The following PLA2G12A variants were observed in gnomAD, a reference collection of about 807,000 sequenced individuals.
The protein encoded by PLA2G12A is group XIIA secretory phospholipase A2.
Under a neutral mutation model 16.0 loss-of-function variants are expected in PLA2G12A, and 11 were observed. That is an observed-to-expected ratio of 0.69 (90% confidence interval 0.43 to 1.13). The LOEUF (loss-of-function observed/expected upper bound fraction) is 1.13. Ranked by LOEUF, PLA2G12A falls within the 50% of genes most tolerant of loss-of-function variation. The pLI is 0.00. For synonymous variants in PLA2G12A, 77 were observed against 93.8 expected (o/e 0.82, Z 1.03); for missense variants, 214 against 237.3 (o/e 0.90, Z 0.65).
chr4:109,728,762 G>A (rs928404924), intron 1 of PLA2G12A, among the ~76,000 whole-genome samples: 2 of 152,174 alleles, frequency 1.3e-5, no homozygotes, highest in Non-Finnish European at 2.9e-5. Context: ...AGCATAATGA[G>A]ACTCTAACCT....
chr4:109,722,203 A>G (rs376375259), intron 1 of PLA2G12A, among the ~76,000 whole-genome samples: 11 of 152,088 alleles, frequency 7.2e-5, no homozygotes, highest in African/African-American at 2.7e-4. Flanking sequence ...TCCTCTTCCT[A>G]GTCTCTCTTC....
At chr4:109,727,227 C>T (rs1229176585) in intron 1 of PLA2G12A, among the ~76,000 whole-genome samples, 1 of 152,064 alleles carries the variant, frequency 6.6e-6, no homozygotes, top group Non-Finnish European at 1.5e-5. Context: ...TCTCCTACCT[C>T]AGCCTCCCAA....
Position 109,730,022 on chromosome 4 carries a change from A to C in PLA2G12A, c.-213T>G. 8.1e-6 allele frequency: 4 copies of C among 494,970 alleles called. No individual in the cohort carries two copies. The South Asian group carries it at 8.6e-5, about 11-fold the overall frequency. The allele number at this position is 494,970 out of a possible 1,614,324, so 30.7% of individuals were successfully genotyped here. ...CGCCGTCGCGGGGACGCGCCCGCTC[A>C]CCTGGACCAGCGCGCCCGCTCACCT... is the stretch of plus-strand genomic sequence containing the variant. On this transcript the variant is annotated 5_prime_UTR_variant, in exon 1 of 4. Coordinates refer to ENST00000243501, the MANE Select transcript of PLA2G12A (RefSeq NM_030821.5).
At chr4:109,721,960 T>C (rs775816755) in intron 1 of PLA2G12A, among the ~76,000 whole-genome samples, 2 of 152,174 alleles carry the variant, frequency 1.3e-5, no homozygotes, top group East Asian at 1.9e-4. Context: ...CAATGGATTA[T>C]TGCTATAAAC....
At chr4:109,718,540 C>CA (rs1356704580) in intron 2 of PLA2G12A, 143 bp downstream of exon 2, 1 of 606,432 alleles carries the variant, frequency 1.6e-6, no homozygotes, top group Non-Finnish European at 2.8e-6. Context: ...TTAGTTTTGC[C>CA]AAAAAGAATC....
At position 109,712,553 on chromosome 4, in the gene PLA2G12A, G is replaced by A. The variant is rs747232386; in HGVS notation, c.*1824C>T. On this transcript the variant is annotated 3_prime_UTR_variant, in exon 4 of 4. Transcript: ENST00000243501. The stretch of plus-strand genomic sequence containing the variant: ...GCTCTGTTGCCCAGGCTGCAGTGCA[G>A]TGGCACAATCTCAGCTCACTGCAAC... 6.6e-6 allele frequency: 1 copy of A among 152,044 alleles called. No individual in the cohort carries two copies. Among genetic ancestry groups the A allele is most frequent in the African/African-American group, 2.4e-5 (1 of 41,386 alleles). The allele number at this position is 152,044 out of a possible 1,614,324, so 9.4% of individuals were successfully genotyped here. A position where few individuals can be genotyped will look rare whatever the true frequency, so the allele number is the denominator to read the frequency against.
rs757964332 is a variant in PLA2G12A at position 109,729,650 on chromosome 4, C to T, written c.160G>A (p.Asp54Asn). 170 of 1,611,878 alleles carry T rather than the reference C, an allele frequency of 1.1e-4. 1 individual carries two copies. The highest frequency in any genetic ancestry group is 9.0e-4 in the Middle Eastern group (4 of 4,452). ...KIDTYLNAAL[D>N]LLGGEDGLCQ... ...AGACCGTCCTCGCCTCCCAGGAGGTCCAAGGCGGCGTTCAGGTACGTGTCT... is the reference window on the plus strand; with the variant it reads ...AGACCGTCCTCGCCTCCCAGGAGGTTCAAGGCGGCGTTCAGGTACGTGTCT... Residue 54 changes from aspartate to asparagine, a missense_variant, in exon 1 of 4, where the codon GAC becomes AAC. Transcript: ENST00000243501.
chr4:109,715,474 A>G (rs1208364398), intron 3 of PLA2G12A, among the ~76,000 whole-genome samples: 1 of 139,792 alleles, frequency 7.2e-6, no homozygotes, highest in Non-Finnish European at 1.6e-5. Context: ...TTATTTATTT[A>G]TTTATTTATT....
chr4:109,725,741 T>C (rs944536767), intron 1 of PLA2G12A, among the ~76,000 whole-genome samples: 1 of 152,208 alleles, frequency 6.6e-6, no homozygotes, highest in Non-Finnish European at 1.5e-5. Context: ...TTTTCTAAAT[T>C]TGATGCAAAT....
At chr4:109,719,670 A>C (rs1300948897) in intron 1 of PLA2G12A, among the ~76,000 whole-genome samples, 4 of 152,196 alleles carry the variant, frequency 2.6e-5, no homozygotes, top group African/African-American at 9.6e-5. Flanking sequence ...TGAGTCACAT[A>C]AATTTTTTTG....
intron 1 of PLA2G12A, among the ~76,000 whole-genome samples, chr4:109,720,574 CAAAAAAAAAAAAAA>C (rs61477793): frequency 2.0e-3 from 75 of 37,298 alleles, no homozygotes; most frequent in African/African-American, 3.3e-3. Context: ...TGTCTGTATT[CAAAAAAAAAAAAAA>C]AAAAAAAAAA....
At chr4:109,715,900 A>C (rs1730821533) in intron 3 of PLA2G12A, among the ~76,000 whole-genome samples, 1 of 152,280 alleles carries the variant, frequency 6.6e-6, no homozygotes, top group African/African-American at 2.4e-5. Context: ...GATATAGCAC[A>C]GAGTGGCTTT....
chr4:109,718,744 G>A lies in PLA2G12A; in HGVS notation c.224C>T (p.Pro75Leu), dbSNP rs1730871562. ...TGGGGAGGGTTTATAACCATAACGT[G>A]GGAAAGGCTTAGATCCTATAAAATA... ...YKCSDGSKPF[P>L]RYGYKPSPPN... Residue 75 changes from proline to leucine, a missense_variant, in exon 2 of 4, where the codon CCA becomes CTA. Pro to Leu is a moderately conservative substitution (Grantham distance 98). Coordinates refer to ENST00000243501, the MANE Select transcript of PLA2G12A (RefSeq NM_030821.5). The A allele has an allele frequency of 1.3e-6, 2 of 1,594,594 alleles. No homozygotes were observed. The highest frequency in any genetic ancestry group is 1.7e-6 in the Non-Finnish European group (2 of 1,168,474).
At chr4:109,723,980 C>T (rs1332273257) in intron 1 of PLA2G12A, among the ~76,000 whole-genome samples, 1 of 152,146 alleles carries the variant, frequency 6.6e-6, no homozygotes, top group Non-Finnish European at 1.5e-5. Context: ...TTTTTAGACA[C>T]CTTGTACATT....
At chr4:109,721,748 TCA>T (rs777832958) in intron 1 of PLA2G12A, among the ~76,000 whole-genome samples, 24 of 152,302 alleles carry the variant, frequency 1.6e-4, no homozygotes, top group African/African-American at 4.3e-4. Flanking sequence ...TTTGCTCCAT[TCA>T]CAGTTTGCTG....
At chr4:109,717,781 A>G in intron 2 of PLA2G12A, 68 bp from the exon 3 acceptor site, 9 of 1,380,422 alleles carry the variant, frequency 6.5e-6, no homozygotes, top group African/African-American at 1.4e-5. Context: ...CTGCATTCAA[A>G]TAGACTAAAT....
At position 109,713,828 on chromosome 4, in the gene PLA2G12A, T is replaced by A. The variant is rs1463186226; in HGVS notation, c.*549A>T. 1 of 153,292 alleles carries A rather than the reference T, an allele frequency of 6.5e-6. No homozygotes were observed. The highest frequency in any genetic ancestry group is 1.9e-4 in the East Asian group (1 of 5,230). 9.5% of individuals were successfully genotyped at this position (153,292 alleles called of 1,614,324 possible). On this transcript the variant is annotated 3_prime_UTR_variant, in exon 4 of 4. Transcript: ENST00000243501. ...CTAATAGAAATGTGACTTACTCATA[T>A]GCTCAACGGGCTACAGAGAAACAAC...
chr4:109,728,125 T>A (rs1263876250), intron 1 of PLA2G12A, among the ~76,000 whole-genome samples: 1 of 152,204 alleles, frequency 6.6e-6, no homozygotes, highest in Non-Finnish European at 1.5e-5. Context: ...TCTTCTCAAA[T>A]ATTCTTTCAT....
intron 3 of PLA2G12A, among the ~76,000 whole-genome samples, chr4:109,715,487 A>AT: frequency 6.7e-6 from 1 of 148,588 alleles, no homozygotes; most frequent in South Asian, 2.1e-4. Flanking sequence ...TATTTATTTT[A>AT]TTTATTTTTT....
Sources: gnomAD v4.1 joint callset for allele counts (sites outside exome capture counted in the v4.1 genomes callset) on GRCh38, gnomAD v4.1.1 for gene constraint, MANE v1.5 for transcripts, NCBI Gene and HGNC (gene_info 2026-07-23, HGNC 2026-07-21) for gene names.